Variants in PTPRD observed in about 807,000 individuals in gnomAD.
PTPRD encodes the protein receptor-type tyrosine-protein phosphatase delta.
PTPRD carries 34 observed loss-of-function variants against 214.5 expected under a neutral mutation model. The observed-to-expected ratio is 0.16, with a 90% confidence interval of 0.12 to 0.21. The LOEUF is 0.21. Ranked by LOEUF, PTPRD falls within the 10% of genes least tolerant of loss-of-function variation. The probability of loss-of-function intolerance (pLI) is 1.00; values close to 1 mark genes in which losing one functional copy is unlikely to be tolerated. For synonymous variants in PTPRD, 1,128 were observed against 845.7 expected (o/e 1.33, Z -5.79); for missense variants, 2,545 against 2,398.7 (o/e 1.06, Z -1.27).
chr9:9,017,674 G>A (rs2099542030), intron 11 of PTPRD, among the ~76,000 whole-genome samples: 1 of 152,082 alleles, frequency 6.6e-6, no homozygotes, highest in Non-Finnish European at 1.5e-5. Flanking sequence ...GGCTTAAATT[G>A]AGCATAAAAC....
intron 2 of PTPRD, among the ~76,000 whole-genome samples, chr9:10,481,126 T>C (rs1387417592): frequency 6.6e-6 from 1 of 152,018 alleles, no homozygotes; most frequent in African/African-American, 2.4e-5. Context: ...TTCTGAAATA[T>C]TTATGGATGA....
chr9:10,519,465 A>G (rs2051405118), intron 2 of PTPRD, among the ~76,000 whole-genome samples: 1 of 152,122 alleles, frequency 6.6e-6, no homozygotes, highest in Non-Finnish European at 1.5e-5. Context: ...TATATGCCAA[A>G]CAAAATGTTT....
chr9:8,507,254 C>A (rs779049629), intron 22 of PTPRD, 47 bp downstream of exon 22: 30 of 1,579,864 alleles, frequency 1.9e-5, no homozygotes, highest in Non-Finnish European at 2.6e-5. Flanking sequence ...AAAAAAGTGG[C>A]CCCACGTAAT....
At position 10,452,967 on chromosome 9, in the gene PTPRD, T is replaced by C. The variant is rs190937694; in HGVS notation, c.-599-111950A>G. On this transcript the variant is annotated intron_variant, in intron 2 of 45. Transcript: ENST00000381196. Reference sequence around the variant, plus strand: ...GTTTTATGGTTTCAGACCTTATATTTAGAGATCCTTAATCCATTTTGAGTT... The same window carrying C: ...GTTTTATGGTTTCAGACCTTATATTCAGAGATCCTTAATCCATTTTGAGTT... 9.4e-3 allele frequency among the ~76,000 whole-genome samples: 1,433 copies of C among 151,810 alleles called. 46 individuals are homozygous for C. The highest frequency in any genetic ancestry group is 0.082 in the East Asian group (424 of 5,168).
intron 7 of PTPRD, among the ~76,000 whole-genome samples, chr9:9,682,822 C>A (rs902911200): frequency 1.3e-5 from 2 of 151,736 alleles, no homozygotes; most frequent in Non-Finnish European, 2.9e-5. Context: ...TACTGCCTAT[C>A]AGTACTACAG....
At chr9:10,298,553 T>C (rs1265113999) in intron 3 of PTPRD, among the ~76,000 whole-genome samples, 2 of 152,156 alleles carry the variant, frequency 1.3e-5, no homozygotes, top group African/African-American at 4.8e-5. Context: ...ATTGCCATCA[T>C]TCTCAGACAA....
intron 4 of PTPRD, among the ~76,000 whole-genome samples, chr9:10,016,393 A>ATAGATAGATAGATATATAGATAGG (rs56040812): frequency 2.1e-4 from 32 of 150,012 alleles, no homozygotes; most frequent in African/African-American, 6.7e-4. Flanking sequence ...AGATAGATAG[A>ATAGATAGATAGATATATAGATAGG]TAGACAGATA....
At chr9:9,287,442 G>C (rs1402308006) in intron 9 of PTPRD, among the ~76,000 whole-genome samples, 2 of 151,812 alleles carry the variant, frequency 1.3e-5, no homozygotes, top group Non-Finnish European at 2.9e-5. Flanking sequence ...CCAGATTGTA[G>C]CTACTTGATA....
chr9:10,226,274 C>T (rs974289292), intron 3 of PTPRD, among the ~76,000 whole-genome samples: 2 of 152,034 alleles, frequency 1.3e-5, no homozygotes, highest in African/African-American at 4.8e-5. Context: ...GATTAGATGG[C>T]CACAGCTTTG....
At chr9:9,277,151 C>A (rs1031623132) in intron 9 of PTPRD, among the ~76,000 whole-genome samples, 1 of 151,260 alleles carries the variant, frequency 6.6e-6, no homozygotes, top group Non-Finnish European at 1.5e-5. Flanking sequence ...TTATTTGTAC[C>A]TATAACAATG....
chr9:10,302,852 C>G (rs1443962334), intron 3 of PTPRD, among the ~76,000 whole-genome samples: 1 of 151,988 alleles, frequency 6.6e-6, no homozygotes, highest in Admixed American at 6.6e-5. Flanking sequence ...TTAGACAGAT[C>G]AAGACAGAAA....
Position 9,275,109 on chromosome 9 carries a change from T to TCC in PTPRD, c.-202-91747_-202-91746insGG, listed in dbSNP as rs1569566676. Among the ~76,000 whole-genome samples, 11 of 62,986 alleles carry TCC rather than the reference T, an allele frequency of 1.7e-4. 1 individual carries two copies. Among genetic ancestry groups the TCC allele is most frequent in the African/African-American group, 7.8e-4 (11 of 14,128 alleles). The allele number at this position is 62,986 out of a possible 152,430, so 41.3% of individuals were successfully genotyped here. On this transcript the variant is annotated intron_variant, in intron 9 of 45. Transcript: ENST00000381196. The stretch of plus-strand genomic sequence containing the variant: ...TATATATGTTATATATATAATATAT[T>TCC]ATATATATATTATATATATTATATA...
In PTPRD at chr9:8,407,925, G is replaced by A. The variant is rs973747335; in HGVS notation, c.4087-3265C>T. On this transcript the variant is annotated intron_variant, in intron 35 of 45. Transcript: ENST00000381196. The stretch of plus-strand genomic sequence containing the variant: ...GTAAACTCAGTAAAGAATAACAACT[G>A]AAAGTTGGTGAGGTATACTAAGATC... Among the ~76,000 whole-genome samples, 11 of 152,306 alleles carry A rather than the reference G, an allele frequency of 7.2e-5. 1 individual carries two copies. In the South Asian group the frequency reaches 2.3e-3, roughly 32 times the overall value.
intron 4 of PTPRD, among the ~76,000 whole-genome samples, chr9:10,031,647 T>TATATATACACACAC: frequency 3.3e-5 from 3 of 89,650 alleles, no homozygotes; most frequent in African/African-American, 1.6e-4. Context: ...TATATATATA[T>TATATATACACACAC]ACACACACAC....
At chr9:8,909,766 G>C (rs1400093907) in intron 11 of PTPRD, among the ~76,000 whole-genome samples, 1 of 149,712 alleles carries the variant, frequency 6.7e-6, no homozygotes, top group African/African-American at 2.5e-5. Flanking sequence ...TAGAGATAGA[G>C]ACAGAGATAG....
At chr9:9,586,322 G>A (rs2091946603) in intron 7 of PTPRD, among the ~76,000 whole-genome samples, 2 of 151,964 alleles carry the variant, frequency 1.3e-5, no homozygotes, top group African/African-American at 4.8e-5. Context: ...ATGTTTGACA[G>A]TATATTGGTT....
intron 9 of PTPRD, among the ~76,000 whole-genome samples, chr9:9,308,455 C>T (rs1957829503): frequency 3.9e-5 from 6 of 152,138 alleles, no homozygotes; most frequent in Admixed American, 2.6e-4. Context: ...TATCATGTTA[C>T]TTATTGAAGC....
intron 20 of PTPRD, among the ~76,000 whole-genome samples, chr9:8,519,589 G>C (rs1002158645): frequency 6.6e-6 from 1 of 152,118 alleles, no homozygotes; most frequent in Non-Finnish European, 1.5e-5. Context: ...CAGCAAACTT[G>C]TACTTCTGAC....
chr9:10,556,849 T>C (rs1234822815), intron 2 of PTPRD, among the ~76,000 whole-genome samples: 1 of 152,080 alleles, frequency 6.6e-6, no homozygotes, highest in Non-Finnish European at 1.5e-5. Flanking sequence ...AAGCAACAGA[T>C]AGTGATTTGC....
Sources: gnomAD v4.1 joint callset for allele counts (sites outside exome capture counted in the v4.1 genomes callset) on GRCh38, gnomAD v4.1.1 for gene constraint, MANE v1.5 for transcripts, NCBI Gene and HGNC (gene_info 2026-07-23, HGNC 2026-07-21) for gene names.